The following CDK5RAP2 variants were observed in gnomAD, a reference collection of about 807,000 sequenced individuals.
CDK5RAP2 encodes CDK5 regulatory subunit associated protein 2.
CDK5RAP2 carries 147 observed loss-of-function variants against 232.9 expected under a neutral mutation model. The ratio of observed to expected loss-of-function variants is 0.63; its 90% confidence interval spans 0.55 to 0.72. The LOEUF (loss-of-function observed/expected upper bound fraction) is 0.72, where lower values mean the gene tolerates loss of function less well. CDK5RAP2 is among the 30% of genes least tolerant of loss of function. The pLI, the probability that CDK5RAP2 is intolerant of heterozygous loss-of-function variation, is 0.00. For missense variants in CDK5RAP2, 2,195 were observed against 2,231.5 expected, an observed-to-expected ratio of 0.98 and a Z score of 0.33; for synonymous variants, 833 against 833.7, an observed-to-expected ratio of 1.00 and a Z score of 0.01.
chr9:120,420,715 T>C (rs2034515387), intron 26 of CDK5RAP2, among the ~76,000 whole-genome samples: 1 of 152,216 alleles, frequency 6.6e-6, no homozygotes, highest in African/African-American at 2.4e-5. Flanking sequence ...AGTCTCATTA[T>C]TCATGAGCTC....
intron 22 of CDK5RAP2, 70 bp downstream of exon 22, chr9:120,447,825 T>C (rs991342652): frequency 4.6e-5 from 51 of 1,098,132 alleles, no homozygotes; most frequent in Non-Finnish European, 5.9e-5. Context: ...AACAACAAGG[T>C]TGACATTTCA....
At chr9:120,410,027 C>G (rs62577970) in intron 29 of CDK5RAP2, among the ~76,000 whole-genome samples, 4,172 of 152,226 alleles carry the variant, frequency 0.027, 80 homozygotes, top group Middle Eastern at 0.061. Context: ...GTGGTGGTAA[C>G]AGTTGACCTG....
At chr9:120,484,889 A>ATT (rs879724982) in intron 14 of CDK5RAP2, among the ~76,000 whole-genome samples, 4 of 143,600 alleles carry the variant, frequency 2.8e-5, no homozygotes, top group African/African-American at 2.5e-5. Flanking sequence ...TAATTTTAAT[A>ATT]TTTTTTTTTT....
In CDK5RAP2 at chr9:120,409,255, C is replaced by A. The variant is rs2033694230; in HGVS notation, c.4476G>T (p.Glu1492Asp). 1 of 1,613,946 alleles carries A rather than the reference C, an allele frequency of 6.2e-7. No individual in the cohort carries two copies. Among genetic ancestry groups the A allele is most frequent in the Non-Finnish European group, 8.5e-7 (1 of 1,179,898 alleles). ...CGCTGGCATACTCCCGCTGAAGGTGCTCCAGGCTCACGGTCTTCCTGGAGA... is the reference window on the plus strand; with the variant it reads ...CGCTGGCATACTCCCGCTGAAGGTGATCCAGGCTCACGGTCTTCCTGGAGA... Reference protein sequence around the residue: ...ESLSRKTVSLEHLQREYASVK... With the variant: ...ESLSRKTVSLDHLQREYASVK... Residue 1492 changes from glutamate to aspartate, a missense_variant, in exon 30 of 38, where the codon GAG (glutamate) becomes GAT (aspartate). Coordinates refer to ENST00000349780, the MANE Select transcript of CDK5RAP2 (RefSeq NM_018249.6).
chr9:120,507,442 C>T (rs73660267), intron 12 of CDK5RAP2, among the ~76,000 whole-genome samples: 3,528 of 152,206 alleles, frequency 0.023, 129 homozygotes, highest in African/African-American at 0.08. Context: ...GGTCTACCTG[C>T]ATTCTTTTTA....
chr9:120,421,942 C>T (rs912379061), intron 26 of CDK5RAP2, among the ~76,000 whole-genome samples: 1 of 152,246 alleles, frequency 6.6e-6, no homozygotes, highest in Non-Finnish European at 1.5e-5. Flanking sequence ...AAAATAGTTA[C>T]TTCAAACTTT....
At chr9:120,556,067 G>A (rs935166490) in intron 3 of CDK5RAP2, among the ~76,000 whole-genome samples, 1 of 152,112 alleles carries the variant, frequency 6.6e-6, no homozygotes, top group African/African-American at 2.4e-5. Context: ...GCAAAAAAAA[G>A]GGAAGTTGTT....
chr9:120,455,559 G>A (rs2036722686), intron 20 of CDK5RAP2, among the ~76,000 whole-genome samples: 1 of 151,810 alleles, frequency 6.6e-6, no homozygotes, highest in South Asian at 2.1e-4. Flanking sequence ...TGGGCAACAT[G>A]GTGAAACCCT....
chr9:120,412,559 T>C (rs1345239917), intron 28 of CDK5RAP2, among the ~76,000 whole-genome samples: 1 of 152,182 alleles, frequency 6.6e-6, no homozygotes, highest in Non-Finnish European at 1.5e-5. Flanking sequence ...CTGGAATGCT[T>C]GTACTACTGC....
intron 28 of CDK5RAP2, among the ~76,000 whole-genome samples, 162 bp from the exon 29 acceptor site, chr9:120,411,636 G>A (rs1282464966): frequency 6.6e-6 from 1 of 152,194 alleles, no homozygotes; most frequent in Non-Finnish European, 1.5e-5. Flanking sequence ...AGAAATGAGA[G>A]TAAGCTTGAA....
intron 21 of CDK5RAP2, among the ~76,000 whole-genome samples, chr9:120,448,492 C>T (rs768259138): frequency 6.6e-6 from 1 of 152,188 alleles, no homozygotes; most frequent in Non-Finnish European, 1.5e-5. Context: ...TCTGGTCTGG[C>T]CTATCAACCC....
intron 3 of CDK5RAP2, among the ~76,000 whole-genome samples, chr9:120,559,102 A>G (rs1299293018): frequency 1.3e-5 from 2 of 152,216 alleles, no homozygotes; most frequent in African/African-American, 2.4e-5. Context: ...ATCTATAAAA[A>G]AGGGATTATT....
chr9:120,485,387 G>A (rs549651965), intron 14 of CDK5RAP2, among the ~76,000 whole-genome samples: 116 of 149,750 alleles, frequency 7.7e-4, no homozygotes, highest in African/African-American at 2.7e-3. Flanking sequence ...CTCCGCCTCC[G>A]GGGTTCAAGC....
At chr9:120,458,712 T>A in intron 19 of CDK5RAP2, 90 bp from the exon 20 acceptor site, 1 of 1,145,456 alleles carries the variant, frequency 8.7e-7, no homozygotes, top group South Asian at 1.3e-5. Context: ...GGTAAGTGAG[T>A]AAGTGAAAAT....
intron 2 of CDK5RAP2, among the ~76,000 whole-genome samples, chr9:120,569,501 G>T (rs988855996): frequency 2.1e-4 from 4 of 19,196 alleles, no homozygotes; most frequent in Non-Finnish European, 5.7e-4. Context: ...GACTTGAAGA[G>T]AAAGGACCAG....
chr9:120,434,687 G>T (rs780358240), intron 25 of CDK5RAP2, among the ~76,000 whole-genome samples: 32 of 152,170 alleles, frequency 2.1e-4, no homozygotes, highest in Non-Finnish European at 4.1e-4. Context: ...GCCAGGGAGG[G>T]AGAGGAGAAC....
intron 23 of CDK5RAP2, among the ~76,000 whole-genome samples, chr9:120,443,360 A>C (rs912864795): frequency 1.3e-5 from 2 of 152,190 alleles, no homozygotes; most frequent in African/African-American, 4.8e-5. Flanking sequence ...AACCCAGCCC[A>C]CTGCCTGGTA....
At chr9:120,415,258 G>T in intron 27 of CDK5RAP2, 99 bp from the exon 28 acceptor site, 1 of 1,364,268 alleles carries the variant, frequency 7.3e-7, no homozygotes, top group Non-Finnish European at 1.0e-6. Context: ...AACAGTATTG[G>T]ATGTGTTAAG....
At chr9:120,543,529 A>T (rs1253253378) in intron 5 of CDK5RAP2, among the ~76,000 whole-genome samples, 2 of 152,040 alleles carry the variant, frequency 1.3e-5, no homozygotes, top group African/African-American at 2.4e-5. Context: ...CTCCTCAGGG[A>T]CACTTTCCCA....
Sources: gnomAD v4.1 joint callset for allele counts (sites outside exome capture counted in the v4.1 genomes callset) on GRCh38, gnomAD v4.1.1 for gene constraint, MANE v1.5 for transcripts, NCBI Gene and HGNC (gene_info 2026-07-23, HGNC 2026-07-21) for gene names.